The following NCOA2 variants were observed in gnomAD, a reference collection of about 807,000 sequenced individuals.
NCOA2 encodes the protein nuclear receptor coactivator 2.
Under a neutral mutation model 145.1 loss-of-function variants are expected in NCOA2, and 21 were observed. The observed-to-expected ratio is 0.14, with a 90% CI of 0.10 to 0.21. NCOA2 has a LOEUF of 0.21. Ranked by LOEUF, NCOA2 falls within the 10% of genes least tolerant of loss-of-function variation. The pLI is 1.00. For synonymous variants in NCOA2, 619 were observed against 637.5 expected (o/e 0.97, Z 0.44); for missense variants, 1,472 against 1,837.6 (o/e 0.80, Z 3.64).
chr8:70,326,450 C>T (rs202032729), intron 1 of NCOA2, among the ~76,000 whole-genome samples: 8 of 144,530 alleles, frequency 5.5e-5, no homozygotes, highest in South Asian at 2.5e-4. Flanking sequence ...CACACACACA[C>T]GTGCACACAC....
intron 1 of NCOA2, among the ~76,000 whole-genome samples, chr8:70,320,461 G>T (rs1249369506): frequency 6.6e-6 from 1 of 152,054 alleles, no homozygotes; most frequent in African/African-American, 2.4e-5. Flanking sequence ...AAGGAATGTG[G>T]TTTTTTGGTA....
intron 4 of NCOA2, among the ~76,000 whole-genome samples, chr8:70,208,950 C>T (rs970979775): frequency 6.6e-6 from 1 of 152,224 alleles, no homozygotes; most frequent in Non-Finnish European, 1.5e-5. Flanking sequence ...TTAAGAAATA[C>T]ACTTTGTAAG....
At chr8:70,160,607 CT>C (rs1458154052) in intron 9 of NCOA2, among the ~76,000 whole-genome samples, 1 of 148,228 alleles carries the variant, frequency 6.7e-6, no homozygotes, top group Non-Finnish European at 1.5e-5. Flanking sequence ...ATAGTTACCC[CT>C]AAAGCAACCA....
At chr8:70,421,783 T>C in the NCOA2 span, among the ~76,000 whole-genome samples, 8 of 150,484 alleles carry the variant, frequency 5.3e-5, no homozygotes, top group East Asian at 1.6e-3. Flanking sequence ...GTAAATGTAG[T>C]AAAAATATAG....
At chr8:70,392,991 T>G (rs1813340964) in intron 1 of NCOA2, among the ~76,000 whole-genome samples, 1 of 151,960 alleles carries the variant, frequency 6.6e-6, no homozygotes, top group South Asian at 2.1e-4. Flanking sequence ...CAAAAGGAAA[T>G]AGGAAGGAGA....
intron 1 of NCOA2, among the ~76,000 whole-genome samples, chr8:70,307,349 G>C (rs1313135679): frequency 6.6e-6 from 1 of 151,534 alleles, no homozygotes; most frequent in Non-Finnish European, 1.5e-5. Context: ...CATTAGAAAA[G>C]AAGACAATTC....
intron 2 of NCOA2, among the ~76,000 whole-genome samples, chr8:70,225,239 T>C (rs373975136): frequency 6.6e-6 from 1 of 151,672 alleles, no homozygotes; most frequent in Non-Finnish European, 1.5e-5. Flanking sequence ...CATCAGATAG[T>C]GATTAGAGGT....
intron 1 of NCOA2, among the ~76,000 whole-genome samples, chr8:70,329,425 A>G (rs1806883236): frequency 6.6e-6 from 1 of 151,764 alleles, no homozygotes; most frequent in Non-Finnish European, 1.5e-5. Context: ...TTATTTTTTA[A>G]TTTTTTGTAG....
chr8:70,121,465 C>T, intron 21 of NCOA2, 74 bp from the exon 22 acceptor site: 1 of 1,164,910 alleles, frequency 8.6e-7, no homozygotes, highest in Non-Finnish European at 1.3e-6. Flanking sequence ...CAAGTGGCCG[C>T]CGCCCTTCCT....
intron 18 of NCOA2, among the ~76,000 whole-genome samples, chr8:70,128,209 A>G (rs920148863): frequency 6.6e-6 from 1 of 152,240 alleles, no homozygotes; most frequent in Non-Finnish European, 1.5e-5. Context: ...AACTTTATGT[A>G]GCACAACTTC....
intron 4 of NCOA2, among the ~76,000 whole-genome samples, chr8:70,183,499 A>T (rs991564075): frequency 3.3e-5 from 5 of 152,238 alleles, no homozygotes; most frequent in African/African-American, 1.2e-4. Flanking sequence ...AAATCTCCTA[A>T]ATCACAATTC....
At chr8:70,137,652 G>A (rs1463552715) in intron 15 of NCOA2, among the ~76,000 whole-genome samples, 1 of 152,200 alleles carries the variant, frequency 6.6e-6, no homozygotes, top group Non-Finnish European at 1.5e-5. Flanking sequence ...CTCCAAGTGC[G>A]ACAGCAATGG....
At chr8:70,250,385 CCT>C (rs942679738) in intron 2 of NCOA2, among the ~76,000 whole-genome samples, 4 of 111,334 alleles carry the variant, frequency 3.6e-5, no homozygotes, top group African/African-American at 1.5e-4. Flanking sequence ...AGAGTGAGAC[CCT>C]GTCTCAAAAA....
chr8:70,419,207 T>C, the NCOA2 span, among the ~76,000 whole-genome samples: 1 of 152,158 alleles, frequency 6.6e-6, no homozygotes, highest in East Asian at 1.9e-4. Context: ...TGCTAGGTTT[T>C]TCATATGTTA....
At chr8:70,130,533 T>C (rs1232205969) in intron 16 of NCOA2, among the ~76,000 whole-genome samples, 2 of 148,058 alleles carry the variant, frequency 1.4e-5, no homozygotes, top group Non-Finnish European at 2.9e-5. Context: ...ATACTTAAAC[T>C]CCATTTTCCT....
At chr8:70,328,524 T>C (rs1431430752) in intron 1 of NCOA2, among the ~76,000 whole-genome samples, 1 of 152,080 alleles carries the variant, frequency 6.6e-6, no homozygotes, top group African/African-American at 2.4e-5. Flanking sequence ...AAACAAGTGG[T>C]TTCTAGAATA....
chr8:70,321,009 C>T (rs1317472926), intron 1 of NCOA2, among the ~76,000 whole-genome samples: 1 of 152,148 alleles, frequency 6.6e-6, no homozygotes, highest in Non-Finnish European at 1.5e-5. Context: ...GACCTGTGAT[C>T]CTATTTTGAT....
At chr8:70,432,432 T>A in the NCOA2 span, among the ~76,000 whole-genome samples, 1 of 152,082 alleles carries the variant, frequency 6.6e-6, no homozygotes, top group Non-Finnish European at 1.5e-5. Context: ...GAGGCCAAGG[T>A]GAGAGGATTG....
chr8:70,383,066 G>A (rs777348933), intron 1 of NCOA2, among the ~76,000 whole-genome samples: 39 of 152,184 alleles, frequency 2.6e-4, no homozygotes, highest in Non-Finnish European at 3.8e-4. Flanking sequence ...CACTGCAGAG[G>A]CATCTACCTG....
Sources: allele counts gnomAD v4.1 joint callset (sites outside exome capture counted in the v4.1 genomes callset), GRCh38; gene constraint gnomAD v4.1.1; transcripts MANE v1.5; gene names NCBI Gene and HGNC (gene_info 2026-07-23, HGNC 2026-07-21).